The following RALGAPA2 variants were observed in gnomAD, a reference collection of about 807,000 sequenced individuals.
The protein encoded by RALGAPA2 is Ral GTPase activating protein catalytic subunit alpha 2.
RALGAPA2 carries 139 observed loss-of-function variants against 230.4 expected under a neutral mutation model. That is an observed-to-expected ratio of 0.60 (90% CI 0.53 to 0.69). The LOEUF is 0.69. RALGAPA2 is among the 30% of genes least tolerant of loss of function. RALGAPA2 has a pLI of 0.00. For missense variants in RALGAPA2, 2,163 were observed against 2,276.0 expected (o/e 0.95, Z 1.01); for synonymous variants, 847 against 837.8 (o/e 1.01, Z -0.19).
At chr20:20,464,295 C>T (rs975844730) in intron 37 of RALGAPA2, among the ~76,000 whole-genome samples, 6 of 152,206 alleles carry the variant, frequency 3.9e-5, no homozygotes, top group African/African-American at 1.2e-4. Context: ...AAGGCCCGCC[C>T]GCTCCCAGTC....
At chr20:20,663,671 A>G (rs1311517985) in intron 3 of RALGAPA2, among the ~76,000 whole-genome samples, 2 of 152,040 alleles carry the variant, frequency 1.3e-5, no homozygotes, top group African/African-American at 2.4e-5. Flanking sequence ...AGCTCACTAC[A>G]ATCTCTGCCT....
At chr20:20,409,660 T>C (rs2060019648) in intron 38 of RALGAPA2, among the ~76,000 whole-genome samples, 1 of 152,220 alleles carries the variant, frequency 6.6e-6, no homozygotes. Context: ...TGTAAACAAA[T>C]GACAAATGTT....
chr20:20,576,035 T>C (rs765567578), intron 20 of RALGAPA2, among the ~76,000 whole-genome samples: 11 of 152,170 alleles, frequency 7.2e-5, no homozygotes, highest in Non-Finnish European at 7.4e-5. Flanking sequence ...ACTTATTTTA[T>C]AATTTTTGTT....
intron 4 of RALGAPA2, among the ~76,000 whole-genome samples, chr20:20,647,368 C>A (rs1035987805): frequency 6.6e-6 from 1 of 152,140 alleles, no homozygotes. Context: ...GCCAAGCCTG[C>A]TAGAAGAGGC....
chr20:20,559,948 AAC>A (rs1295298334), intron 23 of RALGAPA2, among the ~76,000 whole-genome samples: 2 of 152,240 alleles, frequency 1.3e-5, no homozygotes, highest in African/African-American at 4.8e-5. Context: ...AAATAACAGC[AAC>A]AGTTATTCAT....
At chr20:20,678,339 A>G (rs1425536347) in intron 2 of RALGAPA2, among the ~76,000 whole-genome samples, 1 of 152,138 alleles carries the variant, frequency 6.6e-6, no homozygotes, top group East Asian at 1.9e-4. Flanking sequence ...CTTCACTATG[A>G]TTCTTTGCAG....
rs2062426381 is a variant in RALGAPA2, at chr20:20,503,120, T to TG, written c.5208+230dup. 2.6e-5 allele frequency among the ~76,000 whole-genome samples: 4 copies of TG among 152,334 alleles called. No homozygotes were observed. In the South Asian group the frequency reaches 8.3e-4, roughly 32 times the overall value. On this transcript the variant is annotated intron_variant, in intron 35 of 39. Transcript: ENST00000202677. ...CAGGGTCATCATATTTTGTAACCTT[T>TG]GACAATCTGTGAGATCAAAAATGTC... is the stretch of plus-strand genomic sequence containing the variant.
chr20:20,522,205 T>G (rs953510426), intron 30 of RALGAPA2, among the ~76,000 whole-genome samples: 1 of 151,580 alleles, frequency 6.6e-6, no homozygotes, highest in Admixed American at 6.6e-5. Context: ...TTCCAGCAAC[T>G]TCACTCCTAG....
chr20:20,546,795 CGGGGT>C lies in RALGAPA2; in HGVS notation c.3189_3193del (p.Pro1064LeufsTer25). On this transcript the variant is annotated frameshift_variant, in exon 24 of 40. Coordinates refer to ENST00000202677, the MANE Select transcript of RALGAPA2 (RefSeq NM_020343.4). LOFTEE classifies it high-confidence loss of function. ...GCCAGGAAAACCCAGGGAGAAAAAGCGGGGTGGACAGTGCCTTATGATCGTATTTA... is the reference window on the plus strand; with the variant it reads ...GCCAGGAAAACCCAGGGAGAAAAAGCGGACAGTGCCTTATGATCGTATTTA... 6.2e-7 allele frequency: 1 copy of C among 1,609,658 alleles called. No individual in the cohort carries two copies. The highest frequency in any genetic ancestry group is 8.5e-7 in the Non-Finnish European group (1 of 1,178,636).
chr20:20,550,616 C>T (rs1047898872), intron 23 of RALGAPA2, among the ~76,000 whole-genome samples: 2 of 152,214 alleles, frequency 1.3e-5, no homozygotes, highest in African/African-American at 4.8e-5. Context: ...CGGCCCTGCA[C>T]TCTGACGTGG....
At chr20:20,529,334 G>A (rs879691665) in intron 27 of RALGAPA2, among the ~76,000 whole-genome samples, 1 of 152,192 alleles carries the variant, frequency 6.6e-6, no homozygotes, top group Non-Finnish European at 1.5e-5. Flanking sequence ...ATAGCGGACA[G>A]AGTGAGAGCT....
rs969747641 is a variant in RALGAPA2 at position 20,629,259 on chromosome 20, T to C, written c.1233+104A>G. The C allele has an allele frequency of 8.9e-6, 8 of 895,500 alleles. No individual in the cohort carries two copies. In the Admixed American group the frequency reaches 1.2e-4, roughly 14 times the overall value. 55.5% of individuals were successfully genotyped at this position (895,500 alleles called of 1,614,324 possible). On this transcript the variant is annotated intron_variant, in intron 10 of 39. Transcript: ENST00000202677. Reference sequence around the variant, plus strand: ...ACATAACCCAACTCACCAATTCTATTTGTTGGCGTGTTACAAGTAAAAGAA... The same window carrying C: ...ACATAACCCAACTCACCAATTCTATCTGTTGGCGTGTTACAAGTAAAAGAA...
rs139797860 is a variant in RALGAPA2, at chr20:20,678,236, T to G, written c.218-1948A>C. On this transcript the variant is annotated intron_variant, in intron 2 of 39. Transcript: ENST00000202677. ...TCCTTGTAGGCATTTTCTTTTATTC[T>G]TTTTTAAGGTACAGTGTCTTCCCTG... Among the ~76,000 whole-genome samples, 552 of 152,344 alleles carry G rather than the reference T, an allele frequency of 3.6e-3. 4 individuals carry two copies. The highest frequency in any genetic ancestry group is 0.012 in the African/African-American group (519 of 41,584).
chr20:20,518,730 A>G (rs1233247219), intron 31 of RALGAPA2, among the ~76,000 whole-genome samples: 1 of 152,166 alleles, frequency 6.6e-6, no homozygotes, highest in African/African-American at 2.4e-5. Context: ...TCAATAACCT[A>G]TTTATCTTCT....
chr20:20,434,422 T>C (rs2060564975), intron 37 of RALGAPA2, among the ~76,000 whole-genome samples: 2 of 151,988 alleles, frequency 1.3e-5, no homozygotes, highest in African/African-American at 4.8e-5. Flanking sequence ...ACACTCTCAG[T>C]CCCCTGTGAG....
chr20:20,637,360 T>TA lies in RALGAPA2; in HGVS notation c.805+2dup, dbSNP rs757374612. On this transcript the variant is annotated splice_region_variant and intron_variant, in intron 8 of 39. Coordinates refer to ENST00000202677, the MANE Select transcript of RALGAPA2 (RefSeq NM_020343.4). Reference sequence around the variant, plus strand: ...CTCTATACACGGCTCCAACAGTACTTACCAAGTACAGGTTTGTAGATGTTT... The same window carrying TA: ...CTCTATACACGGCTCCAACAGTACTTAACCAAGTACAGGTTTGTAGATGTTT... 2 of 1,596,250 alleles carry TA rather than the reference T, an allele frequency of 1.3e-6. 1 individual carries two copies. Among genetic ancestry groups the TA allele is most frequent in the South Asian group, 2.3e-5 (2 of 88,608 alleles).
At chr20:20,643,363 CAATAT>C in intron 5 of RALGAPA2, 138 bp downstream of exon 5, 1 of 776,334 alleles carries the variant, frequency 1.3e-6, no homozygotes, top group Non-Finnish European at 2.0e-6. Flanking sequence ...AAAACCCTAA[CAATAT>C]AATTTCTCAA....
intron 37 of RALGAPA2, among the ~76,000 whole-genome samples, chr20:20,425,501 T>C (rs1490728128): frequency 6.6e-6 from 1 of 152,214 alleles, no homozygotes; most frequent in East Asian, 1.9e-4. Context: ...TTTAATAGCT[T>C]AAAGGCATCT....
intron 37 of RALGAPA2, among the ~76,000 whole-genome samples, chr20:20,439,501 C>T (rs1353982080): frequency 6.6e-6 from 1 of 152,160 alleles, no homozygotes; most frequent in African/African-American, 2.4e-5. Context: ...GTGTGAGCGA[C>T]CACACCCAGC....
Sources: allele counts gnomAD v4.1 joint callset (sites outside exome capture counted in the v4.1 genomes callset), GRCh38; gene constraint gnomAD v4.1.1; transcripts MANE v1.5; gene names NCBI Gene and HGNC (gene_info 2026-07-23, HGNC 2026-07-21).